Variants in VEPH1 observed in about 807,000 individuals in gnomAD.
VEPH1 encodes ventricular zone expressed PH domain containing 1.
VEPH1 carries 80 observed loss-of-function variants against 85.2 expected under a neutral mutation model. The ratio of observed to expected loss-of-function variants is 0.94; its 90% confidence interval spans 0.78 to 1.13. The LOEUF (loss-of-function observed/expected upper bound fraction) is 1.13. Ranked by LOEUF, VEPH1 falls within the 50% of genes most tolerant of loss-of-function variation. The pLI, the probability that VEPH1 is intolerant of heterozygous loss-of-function variation, is 0.00. For missense variants in VEPH1, 955 were observed against 980.5 expected, an observed-to-expected ratio of 0.97 and a Z score of 0.35; for synonymous variants, 297 against 348.0, an observed-to-expected ratio of 0.85 and a Z score of 1.63.
In VEPH1 at chr3:157,358,055, G is replaced by C. The variant is rs748670594; in HGVS notation, c.1735+5309C>G. 5.1e-4 allele frequency among the ~76,000 whole-genome samples: 78 copies of C among 152,186 alleles called. 1 individual carries two copies. Among genetic ancestry groups the C allele is most frequent in the East Asian group, 1.9e-4 (1 of 5,202 alleles). On this transcript the variant is annotated intron_variant, in intron 9 of 13. Transcript: ENST00000362010. ...GCAGTGTTCTGATGTCAACTCATTAGAGCAGTTTGCAGAGAGTCTTTTCAA... is the reference window on the plus strand; with the variant it reads ...GCAGTGTTCTGATGTCAACTCATTACAGCAGTTTGCAGAGAGTCTTTTCAA...
At chr3:157,355,411 C>T (rs1463649152) in intron 9 of VEPH1, among the ~76,000 whole-genome samples, 1 of 152,196 alleles carries the variant, frequency 6.6e-6, no homozygotes, top group African/African-American at 2.4e-5. Flanking sequence ...AGAGAATGAA[C>T]CTTTCAGGCA....
chr3:157,495,313 C>G lies in VEPH1; in HGVS notation c.37G>C (p.Asp13His). Residue 13 changes from aspartate (D) to histidine (H), a missense_variant, in exon 2 of 14, where the codon GAT becomes CAT. By Grantham distance (81) the Asp-to-His change is moderately conservative. Coordinates refer to ENST00000362010, the MANE Select transcript of VEPH1 (RefSeq NM_001167912.2). ...AAGAGGTCCCCAGCTCGTGAAAGAT[C>G]TTTTTGTCCCAAAACCAGTCTGAAC... Reference protein sequence around the residue: ...QLFRLVLGQKDLSRAGDLFSL... With the variant: ...QLFRLVLGQKHLSRAGDLFSL... The G allele has an allele frequency of 6.2e-7, 1 of 1,614,042 alleles. No homozygotes were observed. Among genetic ancestry groups the G allele is most frequent in the South Asian group, 1.1e-5 (1 of 91,076 alleles).
At chr3:157,451,067 G>T (rs1381034113) in intron 4 of VEPH1, among the ~76,000 whole-genome samples, 2 of 152,106 alleles carry the variant, frequency 1.3e-5, no homozygotes, top group Non-Finnish European at 2.9e-5. Flanking sequence ...TGATATCATG[G>T]TATTGATATC....
At chr3:157,378,098 A>G (rs750203150) in intron 7 of VEPH1, among the ~76,000 whole-genome samples, 2 of 152,028 alleles carry the variant, frequency 1.3e-5, no homozygotes, top group Non-Finnish European at 2.9e-5. Flanking sequence ...TGCATACAGC[A>G]CAGAATGGCT....
chr3:157,480,121 A>AT (rs912615601), intron 2 of VEPH1, among the ~76,000 whole-genome samples: 1 of 69,784 alleles, frequency 1.4e-5, no homozygotes, highest in Non-Finnish European at 2.9e-5. Context: ...AGATATCTTT[A>AT]TTGCATTTCC....
chr3:157,345,791 A>C (rs1038960266), intron 9 of VEPH1, among the ~76,000 whole-genome samples: 9 of 152,198 alleles, frequency 5.9e-5, no homozygotes, highest in African/African-American at 1.9e-4. Context: ...AAATGTCCAT[A>C]AATGATATAC....
chr3:157,461,556 T>C (rs780343520), intron 3 of VEPH1, among the ~76,000 whole-genome samples: 1 of 152,212 alleles, frequency 6.6e-6, no homozygotes, highest in Non-Finnish European at 1.5e-5. Context: ...TAACTTTCCC[T>C]GTGGCTTAAA....
rs1008755461 is a variant in VEPH1, at chr3:157,352,112, C to T, written c.1735+11252G>A. ...AAATAAACAGCTTTCTTCCCCTACT[C>T]CCACCAGCACTTAGTACACTTTTAT... On this transcript the variant is annotated intron_variant, in intron 9 of 13. Transcript: ENST00000362010. Among the ~76,000 whole-genome samples the T allele has an allele frequency of 5.3e-5, 8 of 152,220 alleles. No homozygotes were observed. In the South Asian group the frequency reaches 1.2e-3, roughly 24 times the overall value.
At chr3:157,463,078 T>C (rs1232379152) in intron 3 of VEPH1, among the ~76,000 whole-genome samples, 3 of 152,168 alleles carry the variant, frequency 2.0e-5, no homozygotes, top group Non-Finnish European at 2.9e-5. Flanking sequence ...CCTGGTAATA[T>C]CATTTGAGCC....
intron 4 of VEPH1, chr3:157,443,116 T>G (rs925076973): frequency 9.8e-7 from 1 of 1,023,874 alleles, no homozygotes; most frequent in Non-Finnish European, 1.4e-6. Context: ...CAATCTTTAT[T>G]TGTACTGGCC....
chr3:157,409,621 C>G (rs2305621), intron 6 of VEPH1: 8 of 984,930 alleles, frequency 8.1e-6, no homozygotes, highest in Non-Finnish European at 8.4e-6. Flanking sequence ...TCTTCTCTGC[C>G]GAATGTAATA....
chr3:157,347,007 G>T (rs1724299053), intron 9 of VEPH1, among the ~76,000 whole-genome samples: 1 of 152,050 alleles, frequency 6.6e-6, no homozygotes, highest in Admixed American at 6.6e-5. Flanking sequence ...CAATAGTCCA[G>T]GGAATGCAAA....
intron 7 of VEPH1, among the ~76,000 whole-genome samples, chr3:157,368,479 T>G (rs914411617): frequency 3.3e-5 from 5 of 150,868 alleles, no homozygotes. Context: ...ACAATAAGTT[T>G]TTTGTTTGTT....
chr3:157,305,235 A>G (rs1719367283), intron 11 of VEPH1, among the ~76,000 whole-genome samples: 1 of 144,896 alleles, frequency 6.9e-6, no homozygotes, highest in South Asian at 2.2e-4. Flanking sequence ...TCAGCCTCCC[A>G]AGTAGCTGGG....
At chr3:157,303,091 G>A (rs1331476223) in intron 11 of VEPH1, among the ~76,000 whole-genome samples, 5 of 152,170 alleles carry the variant, frequency 3.3e-5, no homozygotes, top group Admixed American at 1.3e-4. Flanking sequence ...TTGATGAGAT[G>A]TGTGACTTAC....
intron 2 of VEPH1, among the ~76,000 whole-genome samples, chr3:157,479,692 T>TG (rs1244905088): frequency 6.6e-6 from 1 of 152,206 alleles, no homozygotes; most frequent in Non-Finnish European, 1.5e-5. Flanking sequence ...AGAATGCCCA[T>TG]GCTAAGGGCT....
intron 2 of VEPH1, among the ~76,000 whole-genome samples, chr3:157,484,558 A>G (rs1468442951): frequency 6.6e-6 from 1 of 152,250 alleles, no homozygotes; most frequent in South Asian, 2.1e-4. Flanking sequence ...ACAGGGAAAT[A>G]TTAGGTACTT....
At chr3:157,409,501 T>C (rs3816528) in intron 6 of VEPH1, among the ~76,000 whole-genome samples, 103,829 of 152,022 alleles carry the variant, frequency 0.68, 35,943 homozygotes, top group East Asian at 0.79. Context: ...CACTATATGA[T>C]TATTAAACAT....
At position 157,364,161 on chromosome 3, in the gene VEPH1, A is replaced by G. The variant is rs574650169; in HGVS notation, c.1337+142T>C. 1.0e-3 allele frequency: 680 copies of G among 648,658 alleles called. 1 individual carries two copies. The highest frequency in any genetic ancestry group is 1.1e-3 in the Non-Finnish European group (438 of 383,492). 40.2% of individuals were successfully genotyped at this position (648,658 alleles called of 1,614,324 possible). ...TCTTTGGATAATGAGAGCATTGTGG[A>G]TGATATTTCATTCATGTAAGGATGG... On this transcript the variant is annotated intron_variant, in intron 8 of 13. Coordinates refer to ENST00000362010, the MANE Select transcript of VEPH1 (RefSeq NM_001167912.2).
Sources: allele counts gnomAD v4.1 joint callset (sites outside exome capture counted in the v4.1 genomes callset), GRCh38; gene constraint gnomAD v4.1.1; transcripts MANE v1.5; gene names NCBI Gene and HGNC (gene_info 2026-07-23, HGNC 2026-07-21).